DCLRE1C: variants seen among roughly 807,000 people sequenced by gnomAD.
DCLRE1C encodes the protein protein artemis.
DCLRE1C carries 47 observed loss-of-function variants against 61.4 expected under a neutral mutation model. That is an observed-to-expected ratio of 0.77 (90% CI 0.61 to 0.98). DCLRE1C has a LOEUF of 0.98. Among genes scored for constraint, DCLRE1C ranks in the 50% least tolerant of loss-of-function variants. The pLI, the probability that DCLRE1C is intolerant of heterozygous loss-of-function variation, is 0.00. For synonymous variants in DCLRE1C, 337 were observed against 287.6 expected, an observed-to-expected ratio of 1.17 and a Z score of -1.74; for missense variants, 858 against 816.0, an observed-to-expected ratio of 1.05 and a Z score of -0.63.
At chr10:14,945,298 G>T (rs1245301392) in intron 2 of DCLRE1C, 109 bp from the exon 3 acceptor site, 9 of 1,411,556 alleles carry the variant, frequency 6.4e-6, no homozygotes, top group Non-Finnish European at 7.7e-6. Flanking sequence ...AGACCAGTCT[G>T]ACCAACATGG....
chr10:14,946,517 A>G (rs941414547), intron 2 of DCLRE1C, among the ~76,000 whole-genome samples: 3 of 152,126 alleles, frequency 2.0e-5, no homozygotes, highest in Admixed American at 1.3e-4. Context: ...TACCTTCACC[A>G]TAGAATGCGG....
At chr10:14,912,522 G>C (rs1185334149) in intron 13 of DCLRE1C, among the ~76,000 whole-genome samples, 1 of 152,188 alleles carries the variant, frequency 6.6e-6, no homozygotes, top group Non-Finnish European at 1.5e-5. Flanking sequence ...AAGCAACCCA[G>C]ATGTCCATCA....
intron 13 of DCLRE1C, chr10:14,899,466 A>G (rs371193897): frequency 1.3e-6 from 2 of 1,500,746 alleles, no homozygotes; most frequent in African/African-American, 1.4e-5. Flanking sequence ...GTATTCGCAT[A>G]TTAGTAGATA....
downstream of DCLRE1C, chr10:14,901,405 A>C: frequency 9.2e-7 from 1 of 1,082,984 alleles, no homozygotes; most frequent in Non-Finnish European, 1.3e-6. Flanking sequence ...CCTAAGGTAC[A>C]AAGCTAATCC....
downstream of DCLRE1C, chr10:14,901,158 A>T (rs1470231167): frequency 6.2e-7 from 1 of 1,613,830 alleles, no homozygotes; most frequent in African/African-American, 1.3e-5. Context: ...CAGGTGTTCA[A>T]TGTTTTCATT....
chr10:14,944,961 C>A, intron 3 of DCLRE1C, 144 bp downstream of exon 3: 1 of 602,948 alleles, frequency 1.7e-6, no homozygotes, highest in South Asian at 1.9e-5. Context: ...AGGTGTAAGC[C>A]ACCATGTCCG....
At chr10:14,903,524 A>G (rs1834159035), downstream of DCLRE1C, 1 of 152,186 alleles carries the variant, frequency 6.6e-6, no homozygotes, top group Non-Finnish European at 1.5e-5. Flanking sequence ...AGTAATCTAT[A>G]TTTTTGAACT....
chr10:14,921,475 C>G (rs1837106254), intron 12 of DCLRE1C, among the ~76,000 whole-genome samples: 1 of 152,186 alleles, frequency 6.6e-6, no homozygotes, highest in Non-Finnish European at 1.5e-5. Context: ...TTGTCTCTAA[C>G]TTTCCCTTCA....
At chr10:14,914,039 T>A (rs956606843) in intron 13 of DCLRE1C, among the ~76,000 whole-genome samples, 8 of 152,146 alleles carry the variant, frequency 5.3e-5, no homozygotes, top group African/African-American at 1.7e-4. Context: ...AGGATAAACT[T>A]AAACCTGACC....
chr10:14,940,548 A>G (rs1840703571), intron 3 of DCLRE1C, among the ~76,000 whole-genome samples: 1 of 152,010 alleles, frequency 6.6e-6, no homozygotes, highest in Admixed American at 6.6e-5. Context: ...TCAGCTTTCC[A>G]AAGTGCTGGG....
chr10:14,920,024 A>G (rs1836842361), intron 12 of DCLRE1C, among the ~76,000 whole-genome samples, 192 bp from the exon 13 acceptor site: 1 of 152,224 alleles, frequency 6.6e-6, no homozygotes. Flanking sequence ...AACTGATTTC[A>G]TAGTTAAAAA....
In DCLRE1C at chr10:14,906,421, C is replaced by T. The variant is rs566125917; in HGVS notation, c.*1987G>A. ...ATGCCAGACTCACATATAAAACAAA[C>T]GTAACAGTATGTAATATTAATGTGA... On this transcript the variant is annotated 3_prime_UTR_variant, in exon 14 of 14. Transcript: ENST00000378278. Among the ~76,000 whole-genome samples the T allele has an allele frequency of 4.7e-4, 71 of 152,198 alleles. No individual in the cohort carries two copies. The highest frequency in any genetic ancestry group is 6.5e-4 in the Non-Finnish European group (44 of 68,010).
intron 2 of DCLRE1C, among the ~76,000 whole-genome samples, chr10:14,946,510 C>G (rs1293850047): frequency 6.6e-6 from 1 of 152,098 alleles, no homozygotes; most frequent in Admixed American, 6.6e-5. Flanking sequence ...CTGTAATTAC[C>G]TTCACCATAG....
downstream of DCLRE1C, among the ~76,000 whole-genome samples, chr10:14,904,544 A>C (rs1335069717): frequency 6.6e-6 from 1 of 152,054 alleles, no homozygotes; most frequent in Non-Finnish European, 1.5e-5. Context: ...GATCTTGTCC[A>C]CTTTTTTGTG....
At chr10:14,914,037 C>T (rs560929614) in intron 13 of DCLRE1C, among the ~76,000 whole-genome samples, 144 of 152,276 alleles carry the variant, frequency 9.5e-4, no homozygotes, top group Middle Eastern at 3.4e-3. Flanking sequence ...AGAGGATAAA[C>T]TTAAACCTGA....
chr10:14,935,094 G>T (rs1218273944), intron 6 of DCLRE1C, among the ~76,000 whole-genome samples: 1 of 151,992 alleles, frequency 6.6e-6, no homozygotes, highest in Non-Finnish European at 1.5e-5. Context: ...AAAGTGCTGG[G>T]ATTACAGGCC....
chr10:14,933,409 G>A (rs973443108), intron 8 of DCLRE1C, among the ~76,000 whole-genome samples: 16 of 152,182 alleles, frequency 1.1e-4, no homozygotes, highest in African/African-American at 3.4e-4. Context: ...GGCGGAGGCC[G>A]GTGGATCACT....
At chr10:14,917,112 A>T (rs1836325162) in intron 13 of DCLRE1C, among the ~76,000 whole-genome samples, 1 of 152,226 alleles carries the variant, frequency 6.6e-6, no homozygotes, top group African/African-American at 2.4e-5. Flanking sequence ...TTGTAAATTG[A>T]CTCTCAAGAA....
chr10:14,906,070 T>A lies in DCLRE1C; in HGVS notation c.*2338A>T, dbSNP rs1834369115. Among the ~76,000 whole-genome samples the A allele has an allele frequency of 6.6e-6, 1 of 152,244 alleles. No homozygotes were observed. The highest frequency in any genetic ancestry group is 2.4e-5 in the African/African-American group (1 of 41,464). ...AAGTAGCTGCTACAATTAACCCTGCTCATGTTTATACTTTTTTGGAGAGAC... is the reference window on the plus strand; with the variant it reads ...AAGTAGCTGCTACAATTAACCCTGCACATGTTTATACTTTTTTGGAGAGAC... On this transcript the variant is annotated 3_prime_UTR_variant, in exon 14 of 14. Transcript: ENST00000378278.
Sources: allele counts gnomAD v4.1 joint callset (sites outside exome capture counted in the v4.1 genomes callset), GRCh38; gene constraint gnomAD v4.1.1; transcripts MANE v1.5; gene names NCBI Gene and HGNC (gene_info 2026-07-23, HGNC 2026-07-21).